The following NKX2-1 variants were observed in gnomAD, a reference collection of about 807,000 sequenced individuals.
The protein encoded by NKX2-1 is NK2 homeobox 1.
NKX2-1 carries 9 observed loss-of-function variants against 35.1 expected under a neutral mutation model. The observed-to-expected ratio is 0.26, with a 90% CI of 0.15 to 0.45. The LOEUF (loss-of-function observed/expected upper bound fraction) is 0.45. Among genes scored for constraint, NKX2-1 ranks in the 20% least tolerant of loss-of-function variants. The probability of loss-of-function intolerance (pLI) is 1.00; values close to 1 mark genes in which losing one functional copy is unlikely to be tolerated. For synonymous variants in NKX2-1, 284 were observed against 269.9 expected (o/e 1.05, Z -0.51); for missense variants, 509 against 589.1 (o/e 0.86, Z 1.41).
At position 36,516,817 on chromosome 14, in the gene NKX2-1, CAA is replaced by C. The variant is rs5807883; in HGVS notation, c.*459_*460del. On this transcript the variant is annotated 3_prime_UTR_variant, in exon 3 of 3. Coordinates refer to ENST00000354822, the MANE Select transcript of NKX2-1 (RefSeq NM_001079668.3). ...CTCTCCCCAGCTCCCGTCCTCCCTT[CAA>C]AAAAAAAAAAAAATCCTGGTATTTA... is the stretch of plus-strand genomic sequence containing the variant. 1,383 of 216,296 alleles carry C rather than the reference CAA, an allele frequency of 6.4e-3. 3 individuals are homozygous for C. The highest frequency in any genetic ancestry group is 0.044 in the East Asian group (664 of 14,932). The allele number at this position is 216,296 out of a possible 1,614,324, so 13.4% of individuals were successfully genotyped here. A position where few individuals can be genotyped will look rare whatever the true frequency, so the allele number is the denominator to read the frequency against.
chr14:36,516,667 A>T lies in NKX2-1; in HGVS notation c.*611T>A. The T allele has an allele frequency of 4.3e-6, 1 of 233,414 alleles. No homozygotes were observed. The highest frequency in any genetic ancestry group is 8.5e-6 in the Non-Finnish European group (1 of 117,884). 14.5% of individuals were successfully genotyped at this position (233,414 alleles called of 1,614,324 possible). The stretch of plus-strand genomic sequence containing the variant: ...CTTTTGACAGCGTTTTACAGCTACA[A>T]GTTCACATTAAACAAACTATTTTCG... On this transcript the variant is annotated 3_prime_UTR_variant, in exon 3 of 3. Transcript: ENST00000354822.
Position 36,517,356 on chromosome 14 carries a change from G to T in NKX2-1, c.1128C>A (p.Ser376Arg). 1 of 1,610,398 alleles carries T rather than the reference G, an allele frequency of 6.2e-7. No individual in the cohort carries two copies. The highest frequency in any genetic ancestry group is 8.5e-7 in the Non-Finnish European group (1 of 1,179,266). The change falls in exon 3 of 3, where the codon AGC becomes AGA. Residue 376 changes from serine (S) to arginine (R), a missense_variant. By Grantham distance (110) the Ser-to-Arg change is moderately radical. Transcript: ENST00000354822. Reference sequence around the variant, plus strand: ...AGCCCGAGGAGTTCAGGTGGGACAGGCTGGATACCTGGCCCTGCAGCGCCG... The same window carrying T: ...AGCCCGAGGAGTTCAGGTGGGACAGTCTGGATACCTGGCCCTGCAGCGCCG... ...SPAALQGQVSSLSHLNSSGSD... is the reference protein window; with the variant it reads ...SPAALQGQVSRLSHLNSSGSD...
At chr14:36,519,833 G>A in intron 1 of NKX2-1, 1 of 1,332,882 alleles carries the variant, frequency 7.5e-7, no homozygotes, top group South Asian at 1.5e-5. Context: ...AGGAGGTGGA[G>A]GGGAGGGGAA....
At chr14:36,519,891 T>G (rs1237872690) in intron 1 of NKX2-1, among the ~76,000 whole-genome samples, 162 bp downstream of exon 1, 1 of 148,372 alleles carries the variant, frequency 6.7e-6, no homozygotes, top group African/African-American at 2.5e-5. Context: ...GGTGGGGGAG[T>G]AACAGAGGAG....
At chr14:36,518,890 C>T (rs1345650348) in intron 2 of NKX2-1, 95 bp downstream of exon 2, 1 of 1,372,250 alleles carries the variant, frequency 7.3e-7, no homozygotes. Context: ...CCCTGATGCC[C>T]AGCGCGCAGC....
rs757694282 is a variant in NKX2-1, at chr14:36,517,760, G to A, written c.724C>T (p.His242Tyr). The change falls in exon 3 of 3, where the codon CAC (histidine) becomes TAC (tyrosine). Residue 242 changes from histidine to tyrosine, a missense_variant. By Grantham distance (83) the His-to-Tyr change is moderately conservative (BLOSUM62 2). Around this residue, in one of 5 missense-constraint regions of NKX2-1, gnomAD observed 11 missense variants for 31.9 expected, o/e 0.35. Transcript: ENST00000354822. ...GCCTGGCGCTTCATTTTGTAGCGGT[G>A]GTTCTGGAACCAGATCTTGACCTGC... Reference protein sequence around the residue: ...PTQVKIWFQNHRYKMKRQAKD... With the variant: ...PTQVKIWFQNYRYKMKRQAKD... The A allele has an allele frequency of 1.2e-6, 2 of 1,612,318 alleles. No individual in the cohort carries two copies. The highest frequency in any genetic ancestry group is 2.2e-5 in the East Asian group (1 of 44,836).
chr14:36,517,221 C>A lies in NKX2-1; in HGVS notation c.*57G>T. ...CAGCGGTGGATGGTGGTCTGTGTGG[C>A]GGGCAGGAGGGAAGCGGTGAGGCAG... is the stretch of plus-strand genomic sequence containing the variant. On this transcript the variant is annotated 3_prime_UTR_variant, in exon 3 of 3. Transcript: ENST00000354822. 1 of 1,566,572 alleles carries A rather than the reference C, an allele frequency of 6.4e-7. No homozygotes were observed. Among genetic ancestry groups the A allele is most frequent in the Non-Finnish European group, 8.6e-7 (1 of 1,157,046 alleles).
rs748309677 is a variant in NKX2-1 at position 36,518,051 on chromosome 14, G to T, written c.464-31C>A. On this transcript the variant is annotated intron_variant, in intron 2 of 2. Transcript: ENST00000354822. ...AGCGACAAACGCACAGCGTCGGCCGGGGCCAGGCCGAGCCAGGCCACCCCT... is the reference window on the plus strand; with the variant it reads ...AGCGACAAACGCACAGCGTCGGCCGTGGCCAGGCCGAGCCAGGCCACCCCT... 3.1e-6 allele frequency: 5 copies of T among 1,594,698 alleles called. No individual in the cohort carries two copies. The East Asian group carries it at 1.1e-4, about 36-fold the overall frequency.
In NKX2-1 at chr14:36,517,578, C is replaced by G. The variant is rs758010824; in HGVS notation, c.906G>C (p.Ala302=). The G allele has an allele frequency of 5.6e-5, 84 of 1,495,690 alleles. No homozygotes were observed. The East Asian group carries it at 1.9e-3, about 33-fold the overall frequency. 92.7% of individuals were successfully genotyped at this position (1,495,690 alleles called of 1,614,324 possible). Residue 302 remains alanine, a synonymous_variant, in exon 3 of 3, where the codon GCG becomes GCC. Transcript: ENST00000354822. ...TGGCGGCGCCCGGCGCGGGGGCACC[C>G]GCCTGGCACGGTTTGCCGTCTTTCA... ...VLVKDGKPCQ[A]GAPAPGAASL...
chr14:36,519,170 G>A lies in NKX2-1; in HGVS notation c.278C>T (p.Ala93Val), dbSNP rs2139412152. ...CGTCATGTGGTAGGCGGCGGTGACG[G>A]CGCCGTGGTGCCCCACGGCGTGCTG... ...MQQHAVGHHG[A>V]VTAAYHMTAA... Residue 93 changes from alanine (A) to valine (V), a missense_variant, in exon 2 of 3, where the codon GCC (alanine) becomes GTC (valine). Ala to Val is a moderately conservative substitution (Grantham distance 64). Coordinates refer to ENST00000354822, the MANE Select transcript of NKX2-1 (RefSeq NM_001079668.3). 7 of 1,603,944 alleles carry A rather than the reference G, an allele frequency of 4.4e-6. No homozygotes were observed. Among genetic ancestry groups the A allele is most frequent in the Non-Finnish European group, 6.0e-6 (7 of 1,175,976 alleles).
chr14:36,517,335 C>T lies in NKX2-1; in HGVS notation c.1149G>A (p.Ser383=). The change falls in exon 3 of 3, where the codon TCG becomes TCA. Residue 383 remains serine, a synonymous_variant. Transcript: ENST00000354822. ...AGGACATGGTGCCGTAGTCCGAGCC[C>T]GAGGAGTTCAGGTGGGACAGGCTGG... The part of the protein sequence containing the change: ...QVSSLSHLNS[S]GSDYGTMSCS... The T allele has an allele frequency of 6.2e-7, 1 of 1,611,900 alleles. No homozygotes were observed. The highest frequency in any genetic ancestry group is 8.5e-7 in the Non-Finnish European group (1 of 1,179,674).
At chr14:36,518,097 G>T (rs1881131949) in intron 2 of NKX2-1, 77 bp from the exon 3 acceptor site, 19 of 1,540,222 alleles carry the variant, frequency 1.2e-5, no homozygotes, top group South Asian at 8.2e-5. Context: ...CCATTGGCCC[G>T]CCCGGCCCGC....
intron 1 of NKX2-1, chr14:36,519,752 C>T: frequency 1.4e-6 from 2 of 1,477,220 alleles, no homozygotes; most frequent in South Asian, 2.7e-5. Flanking sequence ...AGAGACGAGA[C>T]CCAAAGCATT....
intron 2 of NKX2-1, among the ~76,000 whole-genome samples, chr14:36,518,239 A>G (rs1002713210): frequency 4.6e-5 from 7 of 151,988 alleles, no homozygotes; most frequent in Non-Finnish European, 8.8e-5. Flanking sequence ...CACAGCCCCA[A>G]CCCTGGCTGC....
chr14:36,517,110 G>C lies in NKX2-1; in HGVS notation c.*168C>G. ...AATTTTAGGGGGGGAAAAAAAGAAA[G>C]ACGTCCAGCAGTTTGGCCTTTGTGG... On this transcript the variant is annotated 3_prime_UTR_variant, in exon 3 of 3. Coordinates refer to ENST00000354822, the MANE Select transcript of NKX2-1 (RefSeq NM_001079668.3). The C allele has an allele frequency of 9.4e-7, 1 of 1,058,350 alleles. No individual in the cohort carries two copies. Among genetic ancestry groups the C allele is most frequent in the Non-Finnish European group, 1.3e-6 (1 of 787,484 alleles). The allele number at this position is 1,058,350 out of a possible 1,614,324, so 65.6% of individuals were successfully genotyped here.
Position 36,517,208 on chromosome 14 carries a change from G to A in NKX2-1, c.*70C>T. On this transcript the variant is annotated 3_prime_UTR_variant, in exon 3 of 3. Coordinates refer to ENST00000354822, the MANE Select transcript of NKX2-1 (RefSeq NM_001079668.3). The stretch of plus-strand genomic sequence containing the variant: ...GAAGCGCGTGGAGCAGCGGTGGATG[G>A]TGGTCTGTGTGGCGGGCAGGAGGGA... The A allele has an allele frequency of 6.4e-7, 1 of 1,562,264 alleles. No homozygotes were observed.
chr14:36,517,707 C>T lies in NKX2-1; in HGVS notation c.777G>A (p.Leu259=). 6.3e-7 allele frequency: 1 copy of T among 1,594,954 alleles called. No homozygotes were observed. Among genetic ancestry groups the T allele is most frequent in the Non-Finnish European group, 8.5e-7 (1 of 1,171,694 alleles). The change falls in exon 3 of 3, where the codon CTG becomes CTA. Residue 259 remains leucine (L), a synonymous_variant. Transcript: ENST00000354822. ...CCCCGCCGCCGCCGCTGTCCTGCTG[C>T]AGTTGCTGCTGCGCCGCCTTGTCCT... ...QAKDKAAQQQ[L]QQDSGGGGGG...
In NKX2-1 at chr14:36,517,730, C is replaced by T; in HGVS notation, c.754G>A (p.Asp252Asn). 6.2e-7 allele frequency: 1 copy of T among 1,608,700 alleles called. No individual in the cohort carries two copies. Among genetic ancestry groups the T allele is most frequent in the Non-Finnish European group, 8.5e-7 (1 of 1,178,352 alleles). Residue 252 changes from aspartate to asparagine, a missense_variant, in exon 3 of 3, where the codon GAC becomes AAC. Around this residue, in one of 5 missense-constraint regions of NKX2-1, gnomAD observed 212 missense variants for 227.7 expected, o/e 0.93. Coordinates refer to ENST00000354822, the MANE Select transcript of NKX2-1 (RefSeq NM_001079668.3). ...HRYKMKRQAKDKAAQQQLQQD... is the reference protein window; with the variant it reads ...HRYKMKRQAKNKAAQQQLQQD... ...TGCAGTTGCTGCTGCGCCGCCTTGT[C>T]CTTGGCCTGGCGCTTCATTTTGTAG... is the stretch of plus-strand genomic sequence containing the variant.
At position 36,516,480 on chromosome 14, in the gene NKX2-1, A is replaced by C. The variant is rs1881021880; in HGVS notation, c.*798T>G. On this transcript the variant is annotated 3_prime_UTR_variant, in exon 3 of 3. Transcript: ENST00000354822. ...CTATATTTAAGCCAAATATCTACAT[A>C]AGTTACAACAGAAAAAGACTGACGC... The C allele has an allele frequency of 4.3e-6, 1 of 231,908 alleles. No individual in the cohort carries two copies. The highest frequency in any genetic ancestry group is 2.2e-5 in the African/African-American group (1 of 45,284). The allele number at this position is 231,908 out of a possible 1,614,324, so 14.4% of individuals were successfully genotyped here. A position where few individuals can be genotyped will look rare whatever the true frequency, so the allele number is the denominator to read the frequency against.
Sources: allele counts gnomAD v4.1 joint callset (sites outside exome capture counted in the v4.1 genomes callset), GRCh38; gene constraint gnomAD v4.1.1; regional missense constraint gnomAD v4.1.1; transcripts MANE v1.5; gene names NCBI Gene and HGNC (gene_info 2026-07-23, HGNC 2026-07-21).